The following PARD3B variants were observed in gnomAD, a reference collection of about 807,000 sequenced individuals.
PARD3B encodes par-3 family cell polarity regulator beta, also known as partitioning defective 3 homolog B.
PARD3B carries 103 observed loss-of-function variants against 130.2 expected under a neutral mutation model. That is an observed-to-expected ratio of 0.79 (90% CI 0.67 to 0.93). The LOEUF is 0.93. Among genes scored for constraint, PARD3B ranks in the 40% least tolerant of loss-of-function variants. The pLI, the probability that PARD3B is intolerant of heterozygous loss-of-function variation, is 0.00. For synonymous variants in PARD3B, 583 were observed against 553.2 expected (o/e 1.05, Z -0.76); for missense variants, 1,609 against 1,499.2 (o/e 1.07, Z -1.21).
chr2:205,581,907 C>T (rs2054005073), intron 22 of PARD3B, among the ~76,000 whole-genome samples: 1 of 152,092 alleles, frequency 6.6e-6, no homozygotes, highest in Admixed American at 6.6e-5. Flanking sequence ...GGAGATGGTC[C>T]ACAGAGCCTG....
chr2:204,801,861 T>C (rs1295055783), intron 2 of PARD3B, among the ~76,000 whole-genome samples: 2 of 152,210 alleles, frequency 1.3e-5, no homozygotes, highest in African/African-American at 2.4e-5. Context: ...ATAGCTCTTA[T>C]TATTTTGAGA....
At chr2:204,965,369 G>T in intron 3 of PARD3B, 46 bp downstream of exon 3, 1 of 1,561,240 alleles carries the variant, frequency 6.4e-7, no homozygotes. Context: ...CTGAAGATCC[G>T]TCATCTTGTT....
At chr2:204,624,717 G>T (rs1303148830) in intron 1 of PARD3B, among the ~76,000 whole-genome samples, 2 of 152,056 alleles carry the variant, frequency 1.3e-5, no homozygotes, top group African/African-American at 2.4e-5. Flanking sequence ...GTGGACAAAG[G>T]ACAGAATTTT....
At chr2:204,842,225 C>G (rs1419846907) in intron 2 of PARD3B, among the ~76,000 whole-genome samples, 1 of 152,056 alleles carries the variant, frequency 6.6e-6, no homozygotes, top group Non-Finnish European at 1.5e-5. Flanking sequence ...AAGCCTTTCT[C>G]TAATCTCTCC....
At chr2:205,162,708 A>G (rs978553508) in intron 11 of PARD3B, among the ~76,000 whole-genome samples, 1 of 152,228 alleles carries the variant, frequency 6.6e-6, no homozygotes, top group Non-Finnish European at 1.5e-5. Context: ...GTTGCTGTTC[A>G]ATAAAAAGAA....
At chr2:205,489,288 A>C (rs2049572915) in intron 20 of PARD3B, among the ~76,000 whole-genome samples, 1 of 151,892 alleles carries the variant, frequency 6.6e-6, no homozygotes, top group Admixed American at 6.6e-5. Flanking sequence ...TATTTGTGTA[A>C]ATTACTTAAG....
intron 22 of PARD3B, among the ~76,000 whole-genome samples, chr2:205,596,747 G>A (rs766391741): frequency 3.3e-5 from 5 of 150,228 alleles, no homozygotes; most frequent in African/African-American, 9.7e-5. Flanking sequence ...ATAGGGTACC[G>A]TAATCCAAAT....
At chr2:205,576,441 G>T (rs2053762427) in intron 22 of PARD3B, among the ~76,000 whole-genome samples, 2 of 151,570 alleles carry the variant, frequency 1.3e-5, no homozygotes, top group African/African-American at 4.9e-5. Flanking sequence ...TTTAAATTTA[G>T]ATCTGTGAGT....
intron 2 of PARD3B, among the ~76,000 whole-genome samples, chr2:204,843,005 T>G (rs2044313548): frequency 6.6e-6 from 1 of 152,142 alleles, no homozygotes; most frequent in African/African-American, 2.4e-5. Flanking sequence ...CAGAATCTCC[T>G]GGAGGGCTTA....
chr2:204,668,280 C>T (rs2036117534), intron 1 of PARD3B, among the ~76,000 whole-genome samples: 1 of 152,178 alleles, frequency 6.6e-6, no homozygotes, highest in Non-Finnish European at 1.5e-5. Context: ...TTGATTAGCG[C>T]TTCTGTGCTT....
intron 18 of PARD3B, among the ~76,000 whole-genome samples, chr2:205,311,099 C>T (rs2105933660): frequency 6.6e-6 from 1 of 152,286 alleles, no homozygotes; most frequent in South Asian, 2.1e-4. Context: ...TAAGTTGATT[C>T]CATGTCTTGG....
chr2:205,266,860 G>A (rs1014982728), intron 16 of PARD3B, among the ~76,000 whole-genome samples: 8 of 152,088 alleles, frequency 5.3e-5, no homozygotes, highest in African/African-American at 1.9e-4. Context: ...CAGGTTGAGG[G>A]AATATAAGTG....
chr2:205,452,993 T>C (rs1400442413), intron 20 of PARD3B, among the ~76,000 whole-genome samples: 1 of 152,184 alleles, frequency 6.6e-6, no homozygotes, highest in Non-Finnish European at 1.5e-5. Flanking sequence ...ACCTGATCCT[T>C]AGGATATATT....
At chr2:204,633,188 G>A (rs1344469080) in intron 1 of PARD3B, among the ~76,000 whole-genome samples, 1 of 152,086 alleles carries the variant, frequency 6.6e-6, no homozygotes, top group African/African-American at 2.4e-5. Context: ...TTAATAAAGA[G>A]GGTGTATTTT....
In PARD3B at chr2:204,889,444, A is replaced by G. The variant is rs114470077; in HGVS notation, c.223-75708A>G. On this transcript the variant is annotated intron_variant, in intron 2 of 22. Coordinates refer to ENST00000406610, the MANE Select transcript of PARD3B (RefSeq NM_001302769.2). ...TTACATTTGCAGGGCCCAATGCAAA[A>G]TGGAATGTGGACCCATTATTCTCAA... 3.4e-3 allele frequency among the ~76,000 whole-genome samples: 514 copies of G among 152,268 alleles called. 1 individual carries two copies. The highest frequency in any genetic ancestry group is 6.7e-3 in the Admixed American group (103 of 15,280).
chr2:204,666,835 G>A (rs116041001), intron 1 of PARD3B, among the ~76,000 whole-genome samples: 173 of 152,264 alleles, frequency 1.1e-3, no homozygotes, highest in African/African-American at 4.0e-3. Context: ...GTAGAAATGT[G>A]TTTGGGAGCC....
chr2:205,491,306 A>G (rs1314046700), intron 20 of PARD3B, among the ~76,000 whole-genome samples: 1 of 152,230 alleles, frequency 6.6e-6, no homozygotes, highest in African/African-American at 2.4e-5. Context: ...GAAGGGATCC[A>G]GTTTCAGCTT....
Position 205,125,815 on chromosome 2 carries a change from A to G in PARD3B, c.1434+78A>G. ...TCAATGAACTCATTATAGCTGAGAA[A>G]CGAGTTCTAAATCACAGGCTTCATT... On this transcript the variant is annotated intron_variant, in intron 10 of 22. Transcript: ENST00000406610. This position sits in a 1 kb window ranked among gnomAD's most constrained non-coding sequence, Gnocchi z 4.0. 2 of 1,532,246 alleles carry G rather than the reference A, an allele frequency of 1.3e-6. No homozygotes were observed. The allele number at this position is 1,532,246 out of a possible 1,614,324, so 94.9% of individuals were successfully genotyped here.
At chr2:204,845,419 A>G (rs2044420857) in intron 2 of PARD3B, among the ~76,000 whole-genome samples, 1 of 152,160 alleles carries the variant, frequency 6.6e-6, no homozygotes, top group African/African-American at 2.4e-5. Flanking sequence ...AGTAAGCTGT[A>G]TTGTAGAAAT....
Sources: allele counts gnomAD v4.1 joint callset (sites outside exome capture counted in the v4.1 genomes callset), GRCh38; gene constraint gnomAD v4.1.1; non-coding constraint Gnocchi (gnomAD v3.1); transcripts MANE v1.5; gene names NCBI Gene and HGNC (gene_info 2026-07-23, HGNC 2026-07-21).